WBP2: variants seen among roughly 807,000 people sequenced by gnomAD.
The protein encoded by WBP2 is WW domain binding protein 2.
A neutral mutation model predicts 33.0 loss-of-function variants in WBP2; 23 were observed. That is an observed-to-expected ratio of 0.70 (90% CI 0.50 to 0.99). WBP2 has a LOEUF of 0.99. Among genes scored for constraint, WBP2 ranks in the 50% least tolerant of loss-of-function variants. The pLI is 0.00. For missense variants in WBP2, 353 were observed against 358.0 expected, an observed-to-expected ratio of 0.99 and a Z score of 0.11; for synonymous variants, 153 against 133.5, an observed-to-expected ratio of 1.15 and a Z score of -1.01.
At chr17:75,848,280 G>A (rs979867314) in intron 4 of WBP2, 25 of 583,634 alleles carry the variant, frequency 4.3e-5, no homozygotes, top group Non-Finnish European at 6.7e-5. Context: ...GCAGTCGAAT[G>A]GTTGGTTTAG....
intron 2 of WBP2, among the ~76,000 whole-genome samples, chr17:75,850,984 G>A (rs1423606458): frequency 3.3e-5 from 5 of 152,148 alleles, no homozygotes; most frequent in Middle Eastern, 3.2e-3. Context: ...ATGAGCCTCC[G>A]CACCAGCCTG....
rs867193634 is a variant in WBP2 at position 75,846,756 on chromosome 17, G to T, written c.764C>A (p.Pro255Gln). ...SQPPPPPYYP[P>Q]EDKKTQ Reference sequence around the variant, plus strand: ...GGCCTACTGGGTCTTCTTATCTTCCGGTGGGTAGTAGGGAGGTGGCGGCGG... The same window carrying T: ...GGCCTACTGGGTCTTCTTATCTTCCTGTGGGTAGTAGGGAGGTGGCGGCGG... Residue 255 changes from proline (P) to glutamine (Q), a missense_variant, in exon 8 of 8, where the codon CCG (proline) becomes CAG (glutamine). By Grantham distance (76) the Pro-to-Gln change is moderately conservative (BLOSUM62 -1). Coordinates refer to ENST00000254806, the MANE Select transcript of WBP2 (RefSeq NM_012478.4). This position sits in a 1 kb window ranked among gnomAD's most constrained non-coding sequence, Gnocchi z 4.8. The T allele has an allele frequency of 6.5e-7, 1 of 1,536,084 alleles. No individual in the cohort carries two copies. Among genetic ancestry groups the T allele is most frequent in the South Asian group, 1.3e-5 (1 of 79,332 alleles).
chr17:75,846,799 AGAAAG>A lies in WBP2; in HGVS notation c.733-17_733-13del, dbSNP rs2064994990. 6.3e-7 allele frequency: 1 copy of A among 1,577,306 alleles called. No homozygotes were observed. The highest frequency in any genetic ancestry group is 1.4e-5 in the African/African-American group (1 of 73,978). ...GGCGGCGGCTGGCTCTAAAGAAGGG[AGAAAG>A]GAGAGACTTGCATTAGAAGGTTTAA... On this transcript the variant is annotated splice_polypyrimidine_tract_variant and intron_variant, in intron 7 of 7. Transcript: ENST00000254806. This position sits in a 1 kb window ranked among gnomAD's most constrained non-coding sequence, Gnocchi z 4.8.
chr17:75,851,839 C>T (rs1396575823), intron 1 of WBP2, 163 bp from the exon 2 acceptor site: 4 of 498,134 alleles, frequency 8.0e-6, no homozygotes, highest in East Asian at 4.0e-5. Flanking sequence ...CGGTGGCTCA[C>T]GCCCGTAATC....
chr17:75,846,858 C>T lies in WBP2; in HGVS notation c.732+50G>A. 6.2e-7 allele frequency: 1 copy of T among 1,613,354 alleles called. No individual in the cohort carries two copies. The highest frequency in any genetic ancestry group is 8.5e-7 in the Non-Finnish European group (1 of 1,179,644). The stretch of plus-strand genomic sequence containing the variant: ...ATGGTGCGGTCATCCCCCTGCGGCT[C>T]CCAGCATCTGCGGCTGTGGGGCTGC... On this transcript the variant is annotated intron_variant, in intron 7 of 7. Coordinates refer to ENST00000254806, the MANE Select transcript of WBP2 (RefSeq NM_012478.4). The surrounding 1 kb of genome is among the most constrained non-coding windows in gnomAD (Gnocchi z 4.8).
In WBP2 at chr17:75,846,676, C is replaced by T; in HGVS notation, c.*58G>A. 6.7e-7 allele frequency: 1 copy of T among 1,501,642 alleles called. No homozygotes were observed. Among genetic ancestry groups the T allele is most frequent in the Non-Finnish European group, 8.9e-7 (1 of 1,117,896 alleles). The allele number at this position is 1,501,642 out of a possible 1,614,324, so 93.0% of individuals were successfully genotyped here. A position where few individuals can be genotyped will look rare whatever the true frequency, so the allele number is the denominator to read the frequency against. ...CTCCCCTCCCCAAGCCCCAGCACAGCCCCGATGGGAGGGGTAGGGTAGAGA... is the reference window on the plus strand; with the variant it reads ...CTCCCCTCCCCAAGCCCCAGCACAGTCCCGATGGGAGGGGTAGGGTAGAGA... On this transcript the variant is annotated 3_prime_UTR_variant, in exon 8 of 8. Transcript: ENST00000254806. The surrounding 1 kb of genome is among the most constrained non-coding windows in gnomAD (Gnocchi z 4.8).
chr17:75,850,429 G>T (rs949352811), intron 2 of WBP2, among the ~76,000 whole-genome samples: 3 of 151,884 alleles, frequency 2.0e-5, no homozygotes, highest in South Asian at 2.1e-4. Context: ...GTAGTTTTAG[G>T]AGAGATGGGG....
chr17:75,850,978 G>A (rs2065024321), intron 2 of WBP2, among the ~76,000 whole-genome samples: 2 of 152,244 alleles, frequency 1.3e-5, no homozygotes, highest in Admixed American at 6.5e-5. Context: ...ACAGGCATGA[G>A]CCTCCGCACC....
At chr17:75,847,973 G>C in intron 4 of WBP2, 43 bp from the exon 5 acceptor site, 1 of 1,554,348 alleles carries the variant, frequency 6.4e-7, no homozygotes, top group Non-Finnish European at 8.7e-7. Flanking sequence ...GGCCTGCCTT[G>C]GGGCGGGGAG....
intron 2 of WBP2, among the ~76,000 whole-genome samples, chr17:75,849,973 T>C (rs2097717876): frequency 6.6e-6 from 1 of 152,102 alleles, no homozygotes; most frequent in Non-Finnish European, 1.5e-5. Flanking sequence ...TCACAGATAG[T>C]ATCTATGAGC....
rs759209579 is a variant in WBP2 at position 75,847,887 on chromosome 17, G to A, written c.441C>T (p.Tyr147=). The change falls in exon 5 of 8, where the codon TAC becomes TAT. Residue 147 remains tyrosine (Y), a synonymous_variant. Coordinates refer to ENST00000254806, the MANE Select transcript of WBP2 (RefSeq NM_012478.4). The stretch of plus-strand genomic sequence containing the variant: ...GATAGACATAGGCCCCGCTGGGCAT[G>A]TAAGAGTAGCCATAGGCTCCACTGG... ...EVPSGAYGYS[Y]MPSGAYVYPP... The A allele has an allele frequency of 5.1e-6, 8 of 1,558,712 alleles. No homozygotes were observed. The highest frequency in any genetic ancestry group is 4.7e-5 in the South Asian group (4 of 84,786).
chr17:75,846,931 G>A lies in WBP2; in HGVS notation c.709C>T (p.Pro237Ser), dbSNP rs1212590662. 6 of 1,614,060 alleles carry A rather than the reference G, an allele frequency of 3.7e-6. No homozygotes were observed. The highest frequency in any genetic ancestry group is 1.6e-4 in the Middle Eastern group (1 of 6,084). Residue 237 changes from proline to serine, a missense_variant, in exon 7 of 8, where the codon CCT (proline) becomes TCT (serine). By Grantham distance (74) the Pro-to-Ser change is moderately conservative. Coordinates refer to ENST00000254806, the MANE Select transcript of WBP2 (RefSeq NM_012478.4). This position sits in a 1 kb window ranked among gnomAD's most constrained non-coding sequence, Gnocchi z 4.8. ...AASAYYNPGN[P>S]HNVYMPTSQP... is the part of the protein sequence containing the mutation. ...ACCGTGGGCATGTAGACGTTGTGAGGATTGCCTGGGTTGTAATAGGCGCTG... is the reference window on the plus strand; with the variant it reads ...ACCGTGGGCATGTAGACGTTGTGAGAATTGCCTGGGTTGTAATAGGCGCTG...
At chr17:75,848,549 T>G in intron 4 of WBP2, 21 bp downstream of exon 4, 1 of 1,609,678 alleles carries the variant, frequency 6.2e-7, no homozygotes, top group South Asian at 1.1e-5. Flanking sequence ...CTTTAGCCCC[T>G]AATCTTCGGA....
upstream of WBP2, among the ~76,000 whole-genome samples, chr17:75,855,706 G>A (rs2065054617): frequency 6.6e-6 from 1 of 152,244 alleles, no homozygotes; most frequent in Non-Finnish European, 1.5e-5. Context: ...CGCGATCTTG[G>A]GGACTCCGGC....
At chr17:75,849,944 C>A (rs763722621) in intron 2 of WBP2, among the ~76,000 whole-genome samples, 2 of 152,184 alleles carry the variant, frequency 1.3e-5, no homozygotes, top group Non-Finnish European at 2.9e-5. Context: ...CTCACGCACA[C>A]GGGAGAAAAA....
At chr17:75,851,449 C>G (rs988513343) in intron 2 of WBP2, 119 bp downstream of exon 2, 3 of 722,384 alleles carry the variant, frequency 4.2e-6, no homozygotes, top group East Asian at 5.3e-5. Flanking sequence ...GAAGCACTAA[C>G]ACTCACCAGG....
Position 75,846,741 on chromosome 17 carries a change from G to A in WBP2, c.779C>T (p.Thr260Ile). ...PPYYPPEDKKTQ is the reference protein window; with the variant it reads ...PPYYPPEDKKIQ ...GCAGGGAGGCAGGAGGGCCTACTGG[G>A]TCTTCTTATCTTCCGGTGGGTAGTA... The change falls in exon 8 of 8, where the codon ACC (threonine) becomes ATC (isoleucine). Residue 260 changes from threonine (T) to isoleucine (I), a missense_variant. Coordinates refer to ENST00000254806, the MANE Select transcript of WBP2 (RefSeq NM_012478.4). The surrounding 1 kb of genome is among the most constrained non-coding windows in gnomAD (Gnocchi z 4.8). 4.6e-6 allele frequency: 7 copies of A among 1,527,594 alleles called. No homozygotes were observed. Among genetic ancestry groups the A allele is most frequent in the Non-Finnish European group, 5.3e-6 (6 of 1,135,670 alleles). The allele number at this position is 1,527,594 out of a possible 1,614,324, so 94.6% of individuals were successfully genotyped here. A position where few individuals can be genotyped will look rare whatever the true frequency, so the allele number is the denominator to read the frequency against.
chr17:75,848,726 C>T (rs2065010948), intron 3 of WBP2, 64 bp from the exon 4 acceptor site: 6 of 1,425,312 alleles, frequency 4.2e-6, no homozygotes. Context: ...AAAGAGATGG[C>T]TGTTTTCCTC....
chr17:75,847,268 C>A lies in WBP2; in HGVS notation c.655+219G>T. ...AGGATCGAGAGGCACACAGGGTGAC[C>A]TTCCCCGCCCAGGGCACATGGATAG... On this transcript the variant is annotated intron_variant, in intron 6 of 7. Transcript: ENST00000254806. The A allele has an allele frequency of 3.8e-6, 3 of 789,174 alleles. No homozygotes were observed. In the South Asian group the frequency reaches 5.2e-5, roughly 14 times the overall value. 48.9% of individuals were successfully genotyped at this position (789,174 alleles called of 1,614,324 possible). A position where few individuals can be genotyped will look rare whatever the true frequency, so the allele number is the denominator to read the frequency against.
Sources: gnomAD v4.1 joint callset for allele counts (sites outside exome capture counted in the v4.1 genomes callset) on GRCh38, gnomAD v4.1.1 for gene constraint, Gnocchi (gnomAD v3.1) non-coding constraint, MANE v1.5 for transcripts, NCBI Gene and HGNC (gene_info 2026-07-23, HGNC 2026-07-21) for gene names.